Variants in PLCG1 observed in about 807,000 individuals in gnomAD.
The protein encoded by PLCG1 is 1-phosphatidylinositol 4,5-bisphosphate phosphodiesterase gamma-1.
A neutral mutation model predicts 177.8 loss-of-function variants in PLCG1; 71 were observed. The observed-to-expected ratio is 0.40, with a 90% confidence interval of 0.33 to 0.49. The LOEUF (loss-of-function observed/expected upper bound fraction) is 0.49. Among genes scored for constraint, PLCG1 ranks in the 20% least tolerant of loss-of-function variants. The pLI, the probability that PLCG1 is intolerant of heterozygous loss-of-function variation, is 0.72. For missense variants in PLCG1, 1,281 were observed against 1,709.0 expected, an observed-to-expected ratio of 0.75 and a Z score of 4.42; for synonymous variants, 658 against 647.9, an observed-to-expected ratio of 1.02 and a Z score of -0.24.
rs1331227717 is a variant in PLCG1 at position 41,159,913 on chromosome 20, T to C, written c.414T>C (p.Thr138=). 1.9e-6 allele frequency: 3 copies of C among 1,613,988 alleles called. No individual in the cohort carries two copies. Among genetic ancestry groups the C allele is most frequent in the Non-Finnish European group, 2.5e-6 (3 of 1,180,026 alleles). ...DEVNMWIKGL[T]WLMEDTLQAP... ...TGAACATGTGGATCAAGGGCTTAAC[T>C]TGGCTGATGGAGGATACATTGCAGG... is the stretch of plus-strand genomic sequence containing the variant. The change falls in exon 3 of 32, where the codon ACT becomes ACC. Residue 138 remains threonine (T), a synonymous_variant. Transcript: ENST00000685551. This position sits in a 1 kb window ranked among gnomAD's most constrained non-coding sequence, Gnocchi z 6.0.
chr20:41,176,054 T>C lies in PLCG1; in HGVS notation c.*1545T>C, dbSNP rs34325936. On this transcript the variant is annotated 3_prime_UTR_variant, in exon 32 of 32. Transcript: ENST00000685551. ...CTCCTTTCAAAAATGTTGCATTCAG[T>C]TCGTTAACACTGCCAGGTGCCATTC... 1 of 152,274 alleles carries C rather than the reference T, an allele frequency of 6.6e-6. No individual in the cohort carries two copies. Among genetic ancestry groups the C allele is most frequent in the East Asian group, 1.9e-4 (1 of 5,174 alleles). The allele number at this position is 152,274 out of a possible 1,614,324, so 9.4% of individuals were successfully genotyped here.
chr20:41,169,469 A>T lies in PLCG1; in HGVS notation c.2593A>T (p.Asn865Tyr). 6.2e-7 allele frequency: 1 copy of T among 1,613,474 alleles called. No homozygotes were observed. The highest frequency in any genetic ancestry group is 8.5e-7 in the Non-Finnish European group (1 of 1,179,482). The change falls in exon 23 of 32, where the codon AAC becomes TAC. Residue 865 changes from asparagine (N) to tyrosine (Y), a missense_variant. Transcript: ENST00000685551. ...LEPEREHLDE[N>Y]SPLGDLLRGV... is the part of the protein sequence containing the mutation. ...TTGCTTCCCACAGCACTTGGACGAG[A>T]ACAGCCCCCTAGGGGACTTGCTGCG...
Position 41,162,464 on chromosome 20 carries a change from G to A in PLCG1, c.525G>A (p.Lys175=). 1 of 1,613,382 alleles carries A rather than the reference G, an allele frequency of 6.2e-7. No homozygotes were observed. Among genetic ancestry groups the A allele is most frequent in the Non-Finnish European group, 8.5e-7 (1 of 1,179,436 alleles). Residue 175 remains lysine, a synonymous_variant, in exon 5 of 32, where the codon AAG becomes AAA. Transcript: ENST00000685551. ...DRNREDRISA[K]DLKNMLSQVN... ...CCTGTTTTCTCAGTATATCAGCCAA[G>A]GACCTGAAGAACATGCTGTCCCAGG...
rs981473464 is a variant in PLCG1, at chr20:41,172,046, G to A, written c.2809-147G>A. The A allele has an allele frequency of 1.4e-6, 1 of 698,172 alleles. No individual in the cohort carries two copies. The highest frequency in any genetic ancestry group is 1.8e-5 in the African/African-American group (1 of 56,684). 43.2% of individuals were successfully genotyped at this position (698,172 alleles called of 1,614,324 possible). A position where few individuals can be genotyped will look rare whatever the true frequency, so the allele number is the denominator to read the frequency against. ...TGAGGACAGAGCTCCCTCATTTACTGTTGGGTGTGGTGTCTGGAAGGTACA... is the reference window on the plus strand; with the variant it reads ...TGAGGACAGAGCTCCCTCATTTACTATTGGGTGTGGTGTCTGGAAGGTACA... On this transcript the variant is annotated intron_variant, in intron 24 of 31. Coordinates refer to ENST00000685551, the MANE Select transcript of PLCG1 (RefSeq NM_002660.3). This position sits in a 1 kb window ranked among gnomAD's most constrained non-coding sequence, Gnocchi z 7.0.
rs976259038 is a variant in PLCG1 at position 41,165,858 on chromosome 20, G to C, written c.1799+32G>C. On this transcript the variant is annotated intron_variant, in intron 16 of 31. Coordinates refer to ENST00000685551, the MANE Select transcript of PLCG1 (RefSeq NM_002660.3). This position sits in a 1 kb window ranked among gnomAD's most constrained non-coding sequence, Gnocchi z 6.6. Reference sequence around the variant, plus strand: ...CTTCCCATGCAGATGCGTATGTTCAGTCAGCGTGTGTACACAGACATCACA... The same window carrying C: ...CTTCCCATGCAGATGCGTATGTTCACTCAGCGTGTGTACACAGACATCACA... The C allele has an allele frequency of 6.7e-7, 1 of 1,492,876 alleles. No homozygotes were observed. The highest frequency in any genetic ancestry group is 9.1e-7 in the Non-Finnish European group (1 of 1,095,818). The allele number at this position is 1,492,876 out of a possible 1,614,324, so 92.5% of individuals were successfully genotyped here.
At position 41,162,513 on chromosome 20, in the gene PLCG1, C is replaced by A; in HGVS notation, c.574C>A (p.Arg192Ser). ...SQVNYRVPNM[R>S]FLRERLTDLE... ...GGTCAACTACCGGGTCCCCAACATGCGCTTCCTCCGAGAGCGGCTGACGGT... is the reference window on the plus strand; with the variant it reads ...GGTCAACTACCGGGTCCCCAACATGAGCTTCCTCCGAGAGCGGCTGACGGT... The change falls in exon 5 of 32, where the codon CGC becomes AGC. Residue 192 changes from arginine (R) to serine (S), a missense_variant. Physicochemically the swap from Arg to Ser is moderately radical, Grantham distance 110 (BLOSUM62 -1). Around this residue, in one of 4 missense-constraint regions of PLCG1, gnomAD observed 374 missense variants for 443.8 expected, o/e 0.84. Transcript: ENST00000685551. 6.2e-7 allele frequency: 1 copy of A among 1,613,870 alleles called. No homozygotes were observed. Among genetic ancestry groups the A allele is most frequent in the Non-Finnish European group, 8.5e-7 (1 of 1,179,894 alleles).
At chr20:41,170,486 G>C in intron 24 of PLCG1, 3 of 553,226 alleles carry the variant, frequency 5.4e-6, no homozygotes, top group Non-Finnish European at 9.7e-6. Context: ...GATACTGATG[G>C]GTCGTTGAAG....
Position 41,176,327 on chromosome 20 carries a change from TAGAG to T in PLCG1, c.*1821_*1824del, listed in dbSNP as rs1367281055. ...TTTACAGCTTCACAGTCCCAGTTCA[TAGAG>T]AGGAGGGTGGCTTTTTCCCATACAC... is the stretch of plus-strand genomic sequence containing the variant. On this transcript the variant is annotated 3_prime_UTR_variant, in exon 32 of 32. Transcript: ENST00000685551. The T allele has an allele frequency of 2.6e-5, 4 of 152,198 alleles. No individual in the cohort carries two copies. The highest frequency in any genetic ancestry group is 7.2e-5 in the African/African-American group (3 of 41,438). The allele number at this position is 152,198 out of a possible 1,614,324, so 9.4% of individuals were successfully genotyped here. A position where few individuals can be genotyped will look rare whatever the true frequency, so the allele number is the denominator to read the frequency against.
At chr20:41,162,865 C>A in intron 6 of PLCG1, 93 bp from the exon 7 acceptor site, 1 of 1,352,734 alleles carries the variant, frequency 7.4e-7, no homozygotes, top group Non-Finnish European at 1.1e-6. Context: ...TTGAGGCCTG[C>A]CCCCATCTGC....
chr20:41,174,525 G>C lies in PLCG1; in HGVS notation c.*16G>C. 1 of 1,578,204 alleles carries C rather than the reference G, an allele frequency of 6.3e-7. No individual in the cohort carries two copies. The highest frequency in any genetic ancestry group is 8.6e-7 in the Non-Finnish European group (1 of 1,160,868). On this transcript the variant is annotated 3_prime_UTR_variant, in exon 32 of 32. Coordinates refer to ENST00000685551, the MANE Select transcript of PLCG1 (RefSeq NM_002660.3). The surrounding 1 kb of genome is among the most constrained non-coding windows in gnomAD (Gnocchi z 5.8). ...CCGCCTCTAGTTGTACCCCAGCCTC[G>C]TTGGAGAGCAGCAGGTGCTGTGCGC...
chr20:41,169,584 A>T, intron 23 of PLCG1, 58 bp downstream of exon 23: 1 of 1,329,256 alleles, frequency 7.5e-7, no homozygotes, highest in African/African-American at 1.4e-5. Context: ...TCTTCTTTGT[A>T]TCTCTTTCCT....
At position 41,174,454 on chromosome 20, in the gene PLCG1, C is replaced by G. The variant is rs1172608227; in HGVS notation, c.3834-13C>G. On this transcript the variant is annotated splice_polypyrimidine_tract_variant and intron_variant, in intron 31 of 31. Transcript: ENST00000685551. This position sits in a 1 kb window ranked among gnomAD's most constrained non-coding sequence, Gnocchi z 5.8. ...CCTGCCTGCCAGTAAGGACACTCTTCCCTTCTGTCCAGGGCCCCAAGAAGG... is the reference window on the plus strand; with the variant it reads ...CCTGCCTGCCAGTAAGGACACTCTTGCCTTCTGTCCAGGGCCCCAAGAAGG... 2 of 1,591,062 alleles carry G rather than the reference C, an allele frequency of 1.3e-6. No individual in the cohort carries two copies. Among genetic ancestry groups the G allele is most frequent in the Admixed American group, 1.8e-5 (1 of 56,786 alleles).
rs1431751624 is a variant in PLCG1 at position 41,144,047 on chromosome 20, C to T, written c.217+6189C>T. Among the ~76,000 whole-genome samples, 1 of 152,186 alleles carries T rather than the reference C, an allele frequency of 6.6e-6. No individual in the cohort carries two copies. The highest frequency in any genetic ancestry group is 1.5e-5 in the Non-Finnish European group (1 of 68,042). On this transcript the variant is annotated intron_variant, in intron 1 of 31. Coordinates refer to ENST00000685551, the MANE Select transcript of PLCG1 (RefSeq NM_002660.3). This position sits in a 1 kb window ranked among gnomAD's most constrained non-coding sequence, Gnocchi z 4.1. ...TGTGTTCCTTCCCTGAGTCTGTACACAGAGGACTGGGGCATCAAAAAACTC... is the reference window on the plus strand; with the variant it reads ...TGTGTTCCTTCCCTGAGTCTGTACATAGAGGACTGGGGCATCAAAAAACTC...
Position 41,164,317 on chromosome 20 carries a change from T to TGATACGG in PLCG1, c.1217+116_1217+117insGATACGG. 9.5e-7 allele frequency: 1 copy of TGATACGG among 1,054,900 alleles called. No individual in the cohort carries two copies. The highest frequency in any genetic ancestry group is 1.4e-6 in the Non-Finnish European group (1 of 710,760). The allele number at this position is 1,054,900 out of a possible 1,614,324, so 65.3% of individuals were successfully genotyped here. On this transcript the variant is annotated intron_variant, in intron 12 of 31. Transcript: ENST00000685551. This position sits in a 1 kb window ranked among gnomAD's most constrained non-coding sequence, Gnocchi z 6.4. Reference sequence around the variant, plus strand: ...CTGTCCCCTCTCCCTCAGCCTTTCATCTTTGTCCTTCCTCTTGGCCTCTCC... The same window carrying TGATACGG: ...CTGTCCCCTCTCCCTCAGCCTTTCATGATACGGCTTTGTCCTTCCTCTTGGCCTCTCC...
In PLCG1 at chr20:41,160,836, A is replaced by G. The variant is rs1427702455; in HGVS notation, c.512+683A>G. ...TGTGAGAGGCATTGAGGATAATAGT[A>G]TGCTGTTTGGCTTGAGCAACTGGAA... On this transcript the variant is annotated intron_variant, in intron 4 of 31. Coordinates refer to ENST00000685551, the MANE Select transcript of PLCG1 (RefSeq NM_002660.3). This position sits in a 1 kb window ranked among gnomAD's most constrained non-coding sequence, Gnocchi z 5.5. 6.6e-6 allele frequency among the ~76,000 whole-genome samples: 1 copy of G among 152,180 alleles called. No homozygotes were observed. The highest frequency in any genetic ancestry group is 1.5e-5 in the Non-Finnish European group (1 of 68,026).
Position 41,166,594 on chromosome 20 carries a change from C to T in PLCG1, c.2119C>T (p.Arg707Trp), listed in dbSNP as rs780240763. Residue 707 changes from arginine to tryptophan, a missense_variant and splice_region_variant, in exon 18 of 32, where the codon CGG becomes TGG. This residue lies in a region of PLCG1 where 723 missense variants were observed against 1,030.0 expected (regional missense o/e 0.70). Coordinates refer to ENST00000685551, the MANE Select transcript of PLCG1 (RefSeq NM_002660.3). This position sits in a 1 kb window ranked among gnomAD's most constrained non-coding sequence, Gnocchi z 8.6. ...NEPNSYAISFRAEGKIKHCRV... is the reference protein window; with the variant it reads ...NEPNSYAISFWAEGKIKHCRV... Reference sequence around the variant, plus strand: ...ACCCAACTCATATGCCATCTCTTTCCGGTGAGGGGTGTGGCACTGGGTTGT... The same window carrying T: ...ACCCAACTCATATGCCATCTCTTTCTGGTGAGGGGTGTGGCACTGGGTTGT... 6 of 1,614,162 alleles carry T rather than the reference C, an allele frequency of 3.7e-6. No individual in the cohort carries two copies. Among genetic ancestry groups the T allele is most frequent in the Admixed American group, 1.7e-5 (1 of 60,024 alleles).
In PLCG1 at chr20:41,174,074, A is replaced by G; in HGVS notation, c.3646-50A>G. 6.2e-7 allele frequency: 1 copy of G among 1,605,126 alleles called. No individual in the cohort carries two copies. On this transcript the variant is annotated intron_variant, in intron 30 of 31. Coordinates refer to ENST00000685551, the MANE Select transcript of PLCG1 (RefSeq NM_002660.3). The surrounding 1 kb of genome is among the most constrained non-coding windows in gnomAD (Gnocchi z 5.8). ...GGAGGAGAGCCAGGCAGCAGCCTCT[A>G]GAAGTGCAGAGGAGTCATTGACCCT...
Position 41,165,678 on chromosome 20 carries a change from T to A in PLCG1, c.1651T>A (p.Phe551Ile). ...AGAGCTGCACTCCAATGAGAAGTGG[T>A]TCCATGGGAAGCTAGGGGCAGGGCG... is the stretch of plus-strand genomic sequence containing the variant. Reference protein sequence around the residue: ...STELHSNEKWFHGKLGAGRDG... With the variant: ...STELHSNEKWIHGKLGAGRDG... The change falls in exon 16 of 32, where the codon TTC (phenylalanine) becomes ATC (isoleucine). Residue 551 changes from phenylalanine to isoleucine, a missense_variant. By Grantham distance (21) the Phe-to-Ile change is conservative (BLOSUM62 0). Transcript: ENST00000685551. This position sits in a 1 kb window ranked among gnomAD's most constrained non-coding sequence, Gnocchi z 6.6. The A allele has an allele frequency of 6.2e-7, 1 of 1,614,002 alleles. No individual in the cohort carries two copies. The highest frequency in any genetic ancestry group is 8.5e-7 in the Non-Finnish European group (1 of 1,179,952).
At chr20:41,169,554 A>G (rs764122927) in intron 23 of PLCG1, 28 bp downstream of exon 23, 5 of 1,546,806 alleles carry the variant, frequency 3.2e-6, no homozygotes, top group Non-Finnish European at 4.5e-6. Flanking sequence ...TCTCTTGCCC[A>G]CTGTTCCCTA....
Sources: gnomAD v4.1 joint callset for allele counts (sites outside exome capture counted in the v4.1 genomes callset) on GRCh38, gnomAD v4.1.1 for gene constraint, gnomAD v4.1.1 regional missense constraint, Gnocchi (gnomAD v3.1) non-coding constraint, MANE v1.5 for transcripts, NCBI Gene and HGNC (gene_info 2026-07-23, HGNC 2026-07-21) for gene names.